CDH9: variants seen among roughly 807,000 people sequenced by gnomAD.
CDH9 encodes cadherin 9, also known as cadherin-9.
CDH9 carries 28 observed loss-of-function variants against 70.9 expected under a neutral mutation model. The ratio of observed to expected loss-of-function variants is 0.40; its 90% CI spans 0.29 to 0.54. The LOEUF is 0.54. Ranked by LOEUF, CDH9 falls within the 20% of genes least tolerant of loss-of-function variation. CDH9 has a pLI of 0.59. For synonymous variants in CDH9, 409 were observed against 343.1 expected (o/e 1.19, Z -2.12); for missense variants, 874 against 984.4 (o/e 0.89, Z 1.50).
chr5:26,989,677 T>G (rs1742548850), intron 1 of CDH9, among the ~76,000 whole-genome samples: 1 of 152,062 alleles, frequency 6.6e-6, no homozygotes, highest in African/African-American at 2.4e-5. Context: ...ATTGGAGTTT[T>G]AAAAATCCTG....
intron 1 of CDH9, among the ~76,000 whole-genome samples, chr5:27,015,310 A>G (rs1019252014): frequency 2.0e-5 from 3 of 151,850 alleles, no homozygotes; most frequent in Non-Finnish European, 2.9e-5. Flanking sequence ...ATTTATTAAG[A>G]CTTTTTTTCT....
intron 1 of CDH9, among the ~76,000 whole-genome samples, chr5:27,019,290 G>A (rs1053145350): frequency 2.6e-5 from 4 of 151,994 alleles, no homozygotes; most frequent in African/African-American, 9.7e-5. Flanking sequence ...TAAAGTTGAT[G>A]TCATAGGTTA....
intron 1 of CDH9, among the ~76,000 whole-genome samples, chr5:27,011,782 G>A (rs1190380545): frequency 6.6e-6 from 1 of 152,010 alleles, no homozygotes; most frequent in African/African-American, 2.4e-5. Flanking sequence ...AGTTCTACTT[G>A]TAAATATTTG....
At chr5:26,905,697 T>C (rs1261108426) in intron 5 of CDH9, among the ~76,000 whole-genome samples, 1 of 152,118 alleles carries the variant, frequency 6.6e-6, no homozygotes, top group African/African-American at 2.4e-5. Context: ...CCTTCAAAGT[T>C]AGAGAAGTTA....
intron 1 of CDH9, among the ~76,000 whole-genome samples, chr5:26,993,888 C>T (rs1195601302): frequency 6.6e-6 from 1 of 151,898 alleles, no homozygotes; most frequent in Non-Finnish European, 1.5e-5. Flanking sequence ...GGGACTGCCA[C>T]CCCAGGAGGT....
At chr5:26,928,750 C>A (rs985709386) in intron 2 of CDH9, among the ~76,000 whole-genome samples, 3 of 151,752 alleles carry the variant, frequency 2.0e-5, no homozygotes, top group Non-Finnish European at 4.4e-5. Context: ...GAAAGGACAG[C>A]CTTTTCAATA....
intron 1 of CDH9, among the ~76,000 whole-genome samples, chr5:27,005,404 G>A (rs1236607609): frequency 6.6e-6 from 1 of 151,820 alleles, no homozygotes; most frequent in Admixed American, 6.6e-5. Context: ...GCGGCCAACA[G>A]CATATGAAAA....
At position 27,028,971 on chromosome 5, in the gene CDH9, C is replaced by T. The variant is rs543293315; in HGVS notation, c.-50+9492G>A. 9.2e-5 allele frequency among the ~76,000 whole-genome samples: 14 copies of T among 151,880 alleles called. No homozygotes were observed. The East Asian group carries it at 2.5e-3, about 28-fold the overall frequency. ...GGCCACGTGAACAACTAAAAGATTA[C>T]TTAAATATTATGGCAAAAGAGGTAT... On this transcript the variant is annotated intron_variant, in intron 1 of 11. Coordinates refer to ENST00000231021, the MANE Select transcript of CDH9 (RefSeq NM_016279.4).
At chr5:26,931,909 G>C (rs1451488624) in intron 2 of CDH9, among the ~76,000 whole-genome samples, 1 of 152,046 alleles carries the variant, frequency 6.6e-6, no homozygotes, top group African/African-American at 2.4e-5. Context: ...TTTTTAAAAA[G>C]AGATAATGGT....
chr5:26,934,672 A>G lies in CDH9; in HGVS notation c.229-18748T>C, dbSNP rs183173039. Among the ~76,000 whole-genome samples, 5 of 152,250 alleles carry G rather than the reference A, an allele frequency of 3.3e-5. No individual in the cohort carries two copies. In the East Asian group the frequency reaches 5.8e-4, roughly 18 times the overall value. ...AAATTTGAGAACTTAGATGAAATGA[A>G]CCAATTCATTAAATGCCATCATCTA... On this transcript the variant is annotated intron_variant, in intron 2 of 11. Coordinates refer to ENST00000231021, the MANE Select transcript of CDH9 (RefSeq NM_016279.4).
chr5:26,916,981 A>C (rs561552518), intron 2 of CDH9, among the ~76,000 whole-genome samples: 185 of 152,084 alleles, frequency 1.2e-3, no homozygotes, highest in African/African-American at 4.4e-3. Flanking sequence ...ATAAATGTCC[A>C]TCTGTAAAAA....
chr5:26,959,704 T>C (rs951215772), intron 2 of CDH9, among the ~76,000 whole-genome samples: 1 of 152,008 alleles, frequency 6.6e-6, no homozygotes, highest in African/African-American at 2.4e-5. Context: ...ACACAGAGTG[T>C]TGATAAACCT....
chr5:26,885,069 G>T (rs1055910366), intron 11 of CDH9, among the ~76,000 whole-genome samples: 1 of 152,122 alleles, frequency 6.6e-6, no homozygotes, highest in African/African-American at 2.4e-5. Flanking sequence ...TAACACATTT[G>T]CATGTTAGAC....
intron 1 of CDH9, among the ~76,000 whole-genome samples, chr5:27,021,652 G>A (rs932389159): frequency 6.6e-6 from 1 of 151,850 alleles, no homozygotes; most frequent in African/African-American, 2.4e-5. Flanking sequence ...TTGGCAAAGA[G>A]ATCCTGTATG....
At chr5:26,972,675 G>A (rs1037539438) in intron 2 of CDH9, among the ~76,000 whole-genome samples, 10 of 152,192 alleles carry the variant, frequency 6.6e-5, no homozygotes, top group Non-Finnish European at 1.0e-4. Context: ...ATGCTTTTCA[G>A]CGGTCCTGTG....
In CDH9 at chr5:26,883,041, T is replaced by TTAGATA. The variant is rs1221330777; in HGVS notation, c.1883-1419_1883-1418insTATCTA. Among the ~76,000 whole-genome samples the TTAGATA allele has an allele frequency of 6.9e-3, 402 of 57,998 alleles. 72 individuals are homozygous for TTAGATA. The highest frequency in any genetic ancestry group is 0.01 in the Non-Finnish European group (309 of 30,508). The allele number at this position is 57,998 out of a possible 152,430, so 38.0% of individuals were successfully genotyped here. ...AAGCTGAGCTATATTCAGGATCATC[T>TTAGATA]TATATATATATATATATATATATAT... On this transcript the variant is annotated intron_variant, in intron 11 of 11. Coordinates refer to ENST00000231021, the MANE Select transcript of CDH9 (RefSeq NM_016279.4).
At chr5:26,931,558 G>C (rs532998293) in intron 2 of CDH9, among the ~76,000 whole-genome samples, 1 of 152,054 alleles carries the variant, frequency 6.6e-6, no homozygotes, top group Non-Finnish European at 1.5e-5. Flanking sequence ...CCTACATTGC[G>C]TGAGTAAAGA....
At chr5:26,965,806 T>C (rs1450621068) in intron 2 of CDH9, among the ~76,000 whole-genome samples, 2 of 151,998 alleles carry the variant, frequency 1.3e-5, no homozygotes, top group Non-Finnish European at 2.9e-5. Context: ...AAGATGTATA[T>C]AGTACAGATT....
intron 1 of CDH9, among the ~76,000 whole-genome samples, chr5:27,010,376 T>C (rs1742935822): frequency 6.6e-6 from 1 of 152,148 alleles, no homozygotes; most frequent in South Asian, 2.1e-4. Flanking sequence ...TATCCTTATT[T>C]CTATCTTTCA....
Sources: gnomAD v4.1 joint callset for allele counts (sites outside exome capture counted in the v4.1 genomes callset) on GRCh38, gnomAD v4.1.1 for gene constraint, MANE v1.5 for transcripts, NCBI Gene and HGNC (gene_info 2026-07-23, HGNC 2026-07-21) for gene names.